LIN28B: variants seen among roughly 807,000 people sequenced by gnomAD.
LIN28B encodes the protein protein lin-28 homolog B.
LIN28B carries 5 observed loss-of-function variants against 21.9 expected under a neutral mutation model. That is an observed-to-expected ratio of 0.23 (90% CI 0.12 to 0.48). The LOEUF (loss-of-function observed/expected upper bound fraction) is 0.48, where lower values mean the gene tolerates loss of function less well. LIN28B is among the 20% of genes least tolerant of loss of function. LIN28B has a pLI of 0.98. For synonymous variants in LIN28B, 109 were observed against 111.3 expected (o/e 0.98, Z 0.13); for missense variants, 245 against 310.5 (o/e 0.79, Z 1.58).
intron 2 of LIN28B, among the ~76,000 whole-genome samples, chr6:104,994,015 A>C (rs952303770): frequency 1.3e-5 from 2 of 151,632 alleles, no homozygotes; most frequent in African/African-American, 4.8e-5. Flanking sequence ...ATATATATAT[A>C]TATTTTTGAG....
chr6:104,990,800 A>C (rs945566719), intron 2 of LIN28B, among the ~76,000 whole-genome samples: 6 of 152,182 alleles, frequency 3.9e-5, no homozygotes, highest in Admixed American at 2.6e-4. Context: ...TCTGTTTAAC[A>C]AAGCGCATCT....
At chr6:104,996,086 T>C (rs1483351734) in intron 2 of LIN28B, among the ~76,000 whole-genome samples, 2 of 152,120 alleles carry the variant, frequency 1.3e-5, no homozygotes, top group African/African-American at 4.8e-5. Context: ...TGGAATCTTG[T>C]AGCATCTCAA....
At chr6:104,985,365 A>G (rs999357643) in intron 2 of LIN28B, among the ~76,000 whole-genome samples, 2 of 152,346 alleles carry the variant, frequency 1.3e-5, no homozygotes, top group Non-Finnish European at 2.9e-5. Flanking sequence ...ACAAAGGGAT[A>G]TGACCTAAAT....
intron 3 of LIN28B, among the ~76,000 whole-genome samples, chr6:104,950,828 A>G (rs140350707): frequency 3.3e-5 from 5 of 152,152 alleles, no homozygotes; most frequent in African/African-American, 9.6e-5. Context: ...GCTTATGGAG[A>G]TGAATGAAAA....
chr6:104,953,366 ACTTAT>A (rs1322482597), upstream of LIN28B, among the ~76,000 whole-genome samples: 1 of 152,144 alleles, frequency 6.6e-6, no homozygotes, highest in Non-Finnish European at 1.5e-5. Flanking sequence ...CTTTGACCGC[ACTTAT>A]CTTAGCTTTA....
intron 2 of LIN28B, among the ~76,000 whole-genome samples, chr6:104,944,333 G>A (rs1474953082): frequency 7.2e-5 from 11 of 152,008 alleles, no homozygotes; most frequent in Non-Finnish European, 1.5e-5. Flanking sequence ...ACCCGTTTAA[G>A]CAACTAGTTA....
At chr6:105,036,254 G>A (rs532011972) in intron 3 of LIN28B, among the ~76,000 whole-genome samples, 13 of 152,008 alleles carry the variant, frequency 8.6e-5, no homozygotes, top group African/African-American at 3.1e-4. Context: ...TTTGCATCTT[G>A]TACTTCCTAC....
At chr6:104,955,973 T>G (rs1348852032), upstream of LIN28B, among the ~76,000 whole-genome samples, 12 of 152,102 alleles carry the variant, frequency 7.9e-5, no homozygotes, top group Admixed American at 7.2e-4. Flanking sequence ...ATTTTGAAAC[T>G]GGGGGTCAGT....
intron 2 of LIN28B, among the ~76,000 whole-genome samples, chr6:105,025,334 T>C (rs1229326281): frequency 6.6e-6 from 1 of 152,220 alleles, no homozygotes; most frequent in African/African-American, 2.4e-5. Context: ...GAATTATTTT[T>C]AGTATATTTT....
At chr6:105,008,896 T>A (rs1451845647) in intron 2 of LIN28B, among the ~76,000 whole-genome samples, 1 of 152,188 alleles carries the variant, frequency 6.6e-6, no homozygotes, top group Non-Finnish European at 1.5e-5. Context: ...ATTTTTTACT[T>A]CACACATACA....
intron 2 of LIN28B, among the ~76,000 whole-genome samples, chr6:104,997,428 G>A (rs1374342868): frequency 1.3e-5 from 2 of 151,786 alleles, no homozygotes; most frequent in Non-Finnish European, 2.9e-5. Flanking sequence ...TGGAGTGAAA[G>A]GAAGAAAAGA....
At chr6:105,008,643 C>CAAA (rs202223950) in intron 2 of LIN28B, among the ~76,000 whole-genome samples, 1 of 91,036 alleles carries the variant, frequency 1.1e-5, no homozygotes. Context: ...GACTACATCT[C>CAAA]AAAAAAAAAA....
In LIN28B at chr6:105,032,979, C is replaced by G. The variant is rs577648576; in HGVS notation, c.383+6497C>G. Among the ~76,000 whole-genome samples the G allele has an allele frequency of 2.6e-5, 4 of 152,136 alleles. No homozygotes were observed. In the South Asian group the frequency reaches 8.3e-4, roughly 32 times the overall value. ...GATACATGATTTGTAGATATTTTCT[C>G]CCTGACTGTGGCTTGTCGTTTCAAT... On this transcript the variant is annotated intron_variant, in intron 3 of 3. Transcript: ENST00000345080.
intron 3 of LIN28B, among the ~76,000 whole-genome samples, chr6:105,027,561 AAG>A (rs1295454151): frequency 6.6e-6 from 1 of 151,942 alleles, no homozygotes; most frequent in Non-Finnish European, 1.5e-5. Flanking sequence ...AATAAAAAAT[AAG>A]AAATTTTTTT....
intron 2 of LIN28B, among the ~76,000 whole-genome samples, chr6:105,002,166 ATTT>A (rs751548299): frequency 1.4e-4 from 13 of 95,986 alleles, no homozygotes; most frequent in Admixed American, 3.3e-4. Context: ...ATTCTCTGGT[ATTT>A]TTTTTTTTTT....
At chr6:105,056,979 C>T (rs550578895) in intron 3 of LIN28B, among the ~76,000 whole-genome samples, 1 of 152,270 alleles carries the variant, frequency 6.6e-6, no homozygotes, top group African/African-American at 2.4e-5. Flanking sequence ...ACAGTTGCGT[C>T]TTATATCTTT....
intron 3 of LIN28B, among the ~76,000 whole-genome samples, chr6:105,033,088 T>A (rs1771457005): frequency 6.6e-6 from 1 of 152,192 alleles, no homozygotes; most frequent in African/African-American, 2.4e-5. Context: ...TTTACATCAA[T>A]GATCCATTTA....
rs1772533021 is a variant in LIN28B at position 105,080,994 on chromosome 6, T to C, written c.*2211T>C. 6.6e-6 allele frequency: 1 copy of C among 152,598 alleles called. No individual in the cohort carries two copies. The highest frequency in any genetic ancestry group is 1.5e-5 in the Non-Finnish European group (1 of 68,030). The allele number at this position is 152,598 out of a possible 1,614,324, so 9.5% of individuals were successfully genotyped here. On this transcript the variant is annotated 3_prime_UTR_variant, in exon 4 of 4. Coordinates refer to ENST00000345080, the MANE Select transcript of LIN28B (RefSeq NM_001004317.4). Reference sequence around the variant, plus strand: ...GAACTATGGTCTTTATGGGTGCAATTTGAAATCCTTTTCATCATCTTACCA... The same window carrying C: ...GAACTATGGTCTTTATGGGTGCAATCTGAAATCCTTTTCATCATCTTACCA...
At position 104,958,083 on chromosome 6, in the gene LIN28B, T is replaced by A; in HGVS notation, c.11-16T>A. 6.5e-7 allele frequency: 1 copy of A among 1,544,410 alleles called. No individual in the cohort carries two copies. Among genetic ancestry groups the A allele is most frequent in the Non-Finnish European group, 8.8e-7 (1 of 1,134,434 alleles). On this transcript the variant is annotated splice_polypyrimidine_tract_variant and intron_variant, in intron 1 of 3. Coordinates refer to ENST00000345080, the MANE Select transcript of LIN28B (RefSeq NM_001004317.4). ...ATGGGAATACAGACTGACTTTTTTG[T>A]CCTGTTCCTTCTCAGGCGGGGCTAG...
Sources: allele counts gnomAD v4.1 joint callset (sites outside exome capture counted in the v4.1 genomes callset), GRCh38; gene constraint gnomAD v4.1.1; transcripts MANE v1.5; gene names NCBI Gene and HGNC (gene_info 2026-07-23, HGNC 2026-07-21).